Variants in GMDS observed in about 807,000 individuals in gnomAD.
GMDS encodes GDP-mannose 4,6 dehydratase.
In GMDS, 20 loss-of-function variants were observed where a neutral mutation model predicts 49.9. That is an observed-to-expected ratio of 0.40 (90% confidence interval 0.28 to 0.58). GMDS has a LOEUF of 0.58. Ranked by LOEUF, GMDS falls within the 20% of genes least tolerant of loss-of-function variation. The pLI, the probability that GMDS is intolerant of heterozygous loss-of-function variation, is 0.42. For synonymous variants in GMDS, 177 were observed against 178.6 expected (o/e 0.99, Z 0.07); for missense variants, 362 against 481.4 (o/e 0.75, Z 2.32).
intron 4 of GMDS, among the ~76,000 whole-genome samples, chr6:1,976,861 T>C (rs1408003): frequency 0.39 from 59,817 of 152,070 alleles, 11,864 homozygotes; most frequent in Middle Eastern, 0.45. Flanking sequence ...TTAGATTTTA[T>C]GGGAAAACAC....
At chr6:2,186,613 T>C (rs907248130) in intron 1 of GMDS, among the ~76,000 whole-genome samples, 1 of 152,218 alleles carries the variant, frequency 6.6e-6, no homozygotes, top group Non-Finnish European at 1.5e-5. Flanking sequence ...CTTCAAGCAT[T>C]TGCTCTAATA....
At chr6:2,088,223 GA>G (rs904921058) in intron 4 of GMDS, among the ~76,000 whole-genome samples, 4 of 151,834 alleles carry the variant, frequency 2.6e-5, no homozygotes, top group Non-Finnish European at 5.9e-5. Flanking sequence ...GCGGAGATCA[GA>G]AAAAAAATGC....
intron 6 of GMDS, among the ~76,000 whole-genome samples, chr6:1,935,609 G>T (rs1248401525): frequency 6.6e-6 from 1 of 152,034 alleles, no homozygotes; most frequent in African/African-American, 2.4e-5. Context: ...CAGGCATGTG[G>T]GCCTACACAG....
intron 7 of GMDS, among the ~76,000 whole-genome samples, chr6:1,818,557 G>A (rs1052301469): frequency 8.1e-5 from 12 of 148,084 alleles, no homozygotes; most frequent in East Asian, 2.0e-4. Context: ...ACAGTGAGCC[G>A]AGATCGTGCC....
chr6:2,068,100 G>T (rs1363564958), intron 4 of GMDS, among the ~76,000 whole-genome samples: 1 of 148,116 alleles, frequency 6.8e-6, no homozygotes, highest in Admixed American at 6.8e-5. Context: ...GGGATGCAAG[G>T]CTGGTTCAAT....
intron 6 of GMDS, among the ~76,000 whole-genome samples, chr6:1,959,197 A>G (rs926842170): frequency 6.6e-6 from 1 of 152,174 alleles, no homozygotes; most frequent in Non-Finnish European, 1.5e-5. Flanking sequence ...CATATTAAGT[A>G]TTTCTCAATT....
chr6:1,854,125 GCAGAAATGC>G (rs1447588656), intron 7 of GMDS, among the ~76,000 whole-genome samples: 1 of 152,194 alleles, frequency 6.6e-6, no homozygotes, highest in African/African-American at 2.4e-5. Context: ...AGATTTGGTA[GCAGAAATGC>G]TTTTATTCTG....
At chr6:1,824,292 T>C (rs1040847677) in intron 7 of GMDS, among the ~76,000 whole-genome samples, 2 of 152,152 alleles carry the variant, frequency 1.3e-5, no homozygotes, top group Non-Finnish European at 2.9e-5. Context: ...CATATCTCCA[T>C]GCAACGTGAC....
intron 9 of GMDS, among the ~76,000 whole-genome samples, chr6:1,660,708 C>G (rs1042838177): frequency 6.8e-6 from 1 of 146,938 alleles, no homozygotes; most frequent in Non-Finnish European, 1.5e-5. Context: ...AGTGGATTCT[C>G]TCTGTTCTGA....
intron 7 of GMDS, among the ~76,000 whole-genome samples, chr6:1,840,558 G>A (rs1330656216): frequency 6.6e-6 from 1 of 152,196 alleles, no homozygotes; most frequent in African/African-American, 2.4e-5. Context: ...CCAGCAGAGA[G>A]GAAAGAGGGC....
intron 7 of GMDS, among the ~76,000 whole-genome samples, chr6:1,865,764 T>G (rs1481779642): frequency 1.3e-5 from 2 of 152,148 alleles, no homozygotes; most frequent in African/African-American, 4.8e-5. Context: ...AGGCTTGGGC[T>G]CCTGTTAACA....
At chr6:1,732,152 C>T (rs1023834939) in intron 8 of GMDS, among the ~76,000 whole-genome samples, 1 of 152,050 alleles carries the variant, frequency 6.6e-6, no homozygotes, top group Non-Finnish European at 1.5e-5. Flanking sequence ...ATGGTGAAAC[C>T]CTGTCTCTAC....
chr6:2,231,755 T>G (rs181923772), intron 1 of GMDS, among the ~76,000 whole-genome samples: 2 of 152,300 alleles, frequency 1.3e-5, no homozygotes, highest in Admixed American at 1.3e-4. Context: ...TTTCCAACAT[T>G]CAGTTCCACT....
chr6:2,059,035 G>A (rs1323537304), intron 4 of GMDS, among the ~76,000 whole-genome samples: 1 of 151,768 alleles, frequency 6.6e-6, no homozygotes, highest in Non-Finnish European at 1.5e-5. Flanking sequence ...AATTAGCTGG[G>A]TGTGGTGGCG....
chr6:2,239,376 A>G (rs1402341210), intron 1 of GMDS, among the ~76,000 whole-genome samples: 2 of 152,154 alleles, frequency 1.3e-5, no homozygotes, highest in Non-Finnish European at 2.9e-5. Flanking sequence ...TAAAACTGAA[A>G]TTACTGCACT....
chr6:2,159,673 C>A (rs1777293433), intron 1 of GMDS, among the ~76,000 whole-genome samples: 1 of 151,690 alleles, frequency 6.6e-6, no homozygotes, highest in Non-Finnish European at 1.5e-5. Context: ...CGTATGCCAC[C>A]ACGCCCAACT....
intron 1 of GMDS, among the ~76,000 whole-genome samples, chr6:2,205,833 G>C (rs934584813): frequency 6.6e-6 from 1 of 152,076 alleles, no homozygotes; most frequent in Non-Finnish European, 1.5e-5. Flanking sequence ...AGAGGTTTTT[G>C]ATAATGATAT....
intron 8 of GMDS, among the ~76,000 whole-genome samples, chr6:1,736,686 C>A (rs369556784): frequency 1.5e-4 from 23 of 152,206 alleles, no homozygotes; most frequent in African/African-American, 5.5e-4. Context: ...CAGGGATCAA[C>A]GGTGGCTGGT....
intron 9 of GMDS, among the ~76,000 whole-genome samples, chr6:1,662,671 T>C (rs572327506): frequency 5.1e-4 from 78 of 152,254 alleles, no homozygotes; most frequent in Middle Eastern, 3.4e-3. Flanking sequence ...TGTTGATGTA[T>C]ATAAACTGTC....
Sources: allele counts gnomAD v4.1 joint callset (sites outside exome capture counted in the v4.1 genomes callset), GRCh38; gene constraint gnomAD v4.1.1; transcripts MANE v1.5; gene names NCBI Gene and HGNC (gene_info 2026-07-23, HGNC 2026-07-21).